The following PCDHGA6 variants were observed in gnomAD, a reference collection of about 807,000 sequenced individuals.
The protein encoded by PCDHGA6 is protocadherin gamma-A6.
Under a neutral mutation model 60.6 loss-of-function variants are expected in PCDHGA6, and 41 were observed. The ratio of observed to expected loss-of-function variants is 0.68; its 90% CI spans 0.53 to 0.88. The LOEUF (loss-of-function observed/expected upper bound fraction) is 0.88. Among genes scored for constraint, PCDHGA6 ranks in the 40% least tolerant of loss-of-function variants. The probability of loss-of-function intolerance (pLI) is 0.00; values close to 1 mark genes in which losing one functional copy is unlikely to be tolerated. For missense variants in PCDHGA6, 1,312 were observed against 1,203.0 expected (o/e 1.09, Z -1.34); for synonymous variants, 594 against 524.4 (o/e 1.13, Z -1.81).
rs1285653916 is a variant in PCDHGA6, at chr5:141,388,617, G to A, written c.2424+12110G>A. ...TGATAATGCTCCAGTGTTCAGTCAA[G>A]ACGTATACAGGGTGAGCCTTTCAGA... is the stretch of plus-strand genomic sequence containing the variant. On this transcript the variant is annotated intron_variant, in intron 1 of 3. Coordinates refer to ENST00000517434, the MANE Select transcript of PCDHGA6 (RefSeq NM_018919.3). The A allele has an allele frequency of 3.1e-6, 5 of 1,613,920 alleles. No individual in the cohort carries two copies. The South Asian group carries it at 5.5e-5, about 18-fold the overall frequency.
At chr5:141,398,949 C>G in intron 1 of PCDHGA6, 1 of 1,613,948 alleles carries the variant, frequency 6.2e-7, no homozygotes, top group Non-Finnish European at 8.5e-7. Context: ...AGGGCATCAA[C>G]TCAGAAATTA....
intron 1 of PCDHGA6, chr5:141,423,928 G>C: frequency 8.1e-7 from 1 of 1,236,850 alleles, no homozygotes; most frequent in Non-Finnish European, 1.0e-6. Flanking sequence ...ATGCTGGTTT[G>C]GTTTGAAGTA....
At chr5:141,421,894 C>T (rs764642401) in intron 1 of PCDHGA6, 6 of 1,613,586 alleles carry the variant, frequency 3.7e-6, no homozygotes, top group Non-Finnish European at 4.2e-6. Flanking sequence ...CGATCCCATC[C>T]GAAAGGGCGC....
Position 141,432,480 on chromosome 5 carries a change from G to T in PCDHGA6, c.2424+55973G>T, listed in dbSNP as rs775075732. On this transcript the variant is annotated intron_variant, in intron 1 of 3. Transcript: ENST00000517434. This position sits in a 1 kb window ranked among gnomAD's most constrained non-coding sequence, Gnocchi z 6.0. ...GCCCTCCCCACGGACGGTTCCACTG[G>T]CGTGGAGCTGGCTCCCCGCTCCGCA... The T allele has an allele frequency of 1.9e-6, 3 of 1,614,180 alleles. No individual in the cohort carries two copies. The highest frequency in any genetic ancestry group is 2.2e-5 in the South Asian group (2 of 91,078).
At chr5:141,464,327 C>G (rs893319708) in intron 1 of PCDHGA6, among the ~76,000 whole-genome samples, 15 of 150,890 alleles carry the variant, frequency 9.9e-5, no homozygotes, top group African/African-American at 3.7e-4. Flanking sequence ...TCTGTTCAAC[C>G]CATCTATGAC....
intron 1 of PCDHGA6, chr5:141,421,777 CG>C (rs760013586): frequency 1.2e-6 from 2 of 1,613,804 alleles, no homozygotes; most frequent in Admixed American, 3.3e-5. Flanking sequence ...CTTGCAACTG[CG>C]GGGCAGAACG....
At chr5:141,443,615 C>T (rs1430581477) in intron 1 of PCDHGA6, among the ~76,000 whole-genome samples, 3 of 152,198 alleles carry the variant, frequency 2.0e-5, no homozygotes, top group Non-Finnish European at 4.4e-5. Flanking sequence ...TTCTTATAAT[C>T]AGGTGATTGT....
intron 1 of PCDHGA6, chr5:141,392,932 A>T (rs1334314898): frequency 6.2e-7 from 1 of 1,613,830 alleles, no homozygotes; most frequent in African/African-American, 1.3e-5. Flanking sequence ...GAAGAGACGG[A>T]CAAAGGCTCC....
chr5:141,428,436 A>G (rs922762798), intron 1 of PCDHGA6: 5 of 401,736 alleles, frequency 1.2e-5, no homozygotes, highest in Non-Finnish European at 2.3e-5. Flanking sequence ...CTAAGACTAG[A>G]CCAGGGGTTT....
intron 1 of PCDHGA6, chr5:141,413,586 C>G (rs2095657085): frequency 2.5e-6 from 4 of 1,613,724 alleles, no homozygotes; most frequent in Admixed American, 1.7e-5. Context: ...CTCCAAAATT[C>G]CAAGCAGAAA....
chr5:141,447,541 A>G (rs2098542324), intron 1 of PCDHGA6, among the ~76,000 whole-genome samples: 1 of 152,218 alleles, frequency 6.6e-6, no homozygotes, highest in Non-Finnish European at 1.5e-5. Flanking sequence ...TTGGGTTTTA[A>G]TGTTATGAGT....
At position 141,419,770 on chromosome 5, in the gene PCDHGA6, G is replaced by A. The variant is rs1018272442; in HGVS notation, c.2424+43263G>A. On this transcript the variant is annotated intron_variant, in intron 1 of 3. Coordinates refer to ENST00000517434, the MANE Select transcript of PCDHGA6 (RefSeq NM_018919.3). ...TGCGTGCTTTGGGTGACAAGGACTC[G>A]GTCCGCCAGCGCCTGCTAGTCGCTG... 3.7e-6 allele frequency: 6 copies of A among 1,614,006 alleles called. No individual in the cohort carries two copies. The Admixed American group carries it at 6.7e-5, about 18-fold the overall frequency.
chr5:141,453,288 A>G (rs931678565), intron 1 of PCDHGA6, among the ~76,000 whole-genome samples: 1 of 151,342 alleles, frequency 6.6e-6, no homozygotes, highest in Non-Finnish European at 1.5e-5. Context: ...TAATTTTTTA[A>G]TTATTTATTT....
At position 141,491,597 on chromosome 5, in the gene PCDHGA6, A is replaced by T. The variant is rs1389838814; in HGVS notation, c.2425-3210A>T. Reference sequence around the variant, plus strand: ...TTTTCACCGGCCTCGGACGGCAGTGACTTCACTTTTCTAAGACCCCTCAGC... The same window carrying T: ...TTTTCACCGGCCTCGGACGGCAGTGTCTTCACTTTTCTAAGACCCCTCAGC... On this transcript the variant is annotated intron_variant, in intron 1 of 3. Coordinates refer to ENST00000517434, the MANE Select transcript of PCDHGA6 (RefSeq NM_018919.3). This position sits in a 1 kb window ranked among gnomAD's most constrained non-coding sequence, Gnocchi z 6.9. 1.2e-6 allele frequency: 2 copies of T among 1,613,788 alleles called. No individual in the cohort carries two copies. The highest frequency in any genetic ancestry group is 1.7e-6 in the Non-Finnish European group (2 of 1,180,012).
chr5:141,389,905 C>T (rs1254194844), intron 1 of PCDHGA6: 1 of 1,613,984 alleles, frequency 6.2e-7, no homozygotes, highest in Non-Finnish European at 8.5e-7. Flanking sequence ...CCGGATATCA[C>T]TGACCGCCCC....
chr5:141,391,135 C>T (rs1481057033), intron 1 of PCDHGA6: 2 of 152,104 alleles, frequency 1.3e-5, no homozygotes, highest in Non-Finnish European at 2.9e-5. Flanking sequence ...AATCATTCTC[C>T]TACCTCTAGG....
chr5:141,415,739 G>A, intron 1 of PCDHGA6: 4 of 434,948 alleles, frequency 9.2e-6, no homozygotes, highest in Non-Finnish European at 1.3e-5. Context: ...TGTTTATTAA[G>A]GTTTTTTTTT....
At position 141,393,141 on chromosome 5, in the gene PCDHGA6, G is replaced by A. The variant is rs371909748; in HGVS notation, c.2424+16634G>A. 20 of 1,613,182 alleles carry A rather than the reference G, an allele frequency of 1.2e-5. No homozygotes were observed. The African/African-American group carries it at 2.4e-4, about 19-fold the overall frequency. On this transcript the variant is annotated intron_variant, in intron 1 of 3. Coordinates refer to ENST00000517434, the MANE Select transcript of PCDHGA6 (RefSeq NM_018919.3). Reference sequence around the variant, plus strand: ...GTGTCTGATAAATATTAACACCCTGGTTGAGGATAAAGGAAAACTCTTTGG... The same window carrying A: ...GTGTCTGATAAATATTAACACCCTGATTGAGGATAAAGGAAAACTCTTTGG...
At chr5:141,429,945 T>C (rs1443623730) in intron 1 of PCDHGA6, among the ~76,000 whole-genome samples, 1 of 152,222 alleles carries the variant, frequency 6.6e-6, no homozygotes, top group East Asian at 1.9e-4. Flanking sequence ...ACTTCCATTA[T>C]TTCCAGTCAA....
Sources: gnomAD v4.1 joint callset for allele counts (sites outside exome capture counted in the v4.1 genomes callset) on GRCh38, gnomAD v4.1.1 for gene constraint, Gnocchi (gnomAD v3.1) non-coding constraint, MANE v1.5 for transcripts, NCBI Gene and HGNC (gene_info 2026-07-23, HGNC 2026-07-21) for gene names.